H2BC1: variants seen among roughly 807,000 people sequenced by gnomAD.
H2BC1 encodes H2B clustered histone 1.
In H2BC1, 5 loss-of-function variants were observed where a neutral mutation model predicts 5.4. The ratio of observed to expected loss-of-function variants is 0.92; its 90% CI spans 0.48 to 1.94. H2BC1 has a LOEUF of 1.94. Ranked by LOEUF, H2BC1 falls within the 30% of genes most tolerant of loss-of-function variation. H2BC1 has a pLI of 0.01. For synonymous variants in H2BC1, 131 were observed against 58.2 expected, an observed-to-expected ratio of 2.25 and a Z score of -5.69; for missense variants, 210 against 159.1, an observed-to-expected ratio of 1.32 and a Z score of -1.72.
rs560247943 is a variant in H2BC1, at chr6:25,727,105, C to T, written c.197C>T (p.Ser66Phe). The T allele has an allele frequency of 6.2e-7, 1 of 1,614,136 alleles. No individual in the cohort carries two copies. Among genetic ancestry groups the T allele is most frequent in the African/African-American group, 1.3e-5 (1 of 74,958 alleles). ...ISSKAMSIMN[S>F]FVTDIFERIA... ...TCGAAAGCTATGAGCATTATGAATT[C>T]CTTCGTCACTGATATCTTTGAGCGT... Residue 66 changes from serine to phenylalanine, a missense_variant, in exon 1 of 1, where the codon TCC becomes TTC. Ser to Phe is a radical substitution (Grantham distance 155). Coordinates refer to ENST00000274764, the MANE Select transcript of H2BC1 (RefSeq NM_170610.3).
At position 25,726,801 on chromosome 6, in the gene H2BC1, A is replaced by T; in HGVS notation, c.-108A>T. ...TGTTTGTTTACTTGGCGAGACTTGG[A>T]GCTGAGGTCATTTGGAGCTGTTTAA... On this transcript the variant is annotated 5_prime_UTR_variant, in exon 1 of 1. Coordinates refer to ENST00000274764, the MANE Select transcript of H2BC1 (RefSeq NM_170610.3). 9.6e-6 allele frequency: 13 copies of T among 1,354,598 alleles called. No homozygotes were observed. The highest frequency in any genetic ancestry group is 1.3e-5 in the Non-Finnish European group (13 of 989,802). The allele number at this position is 1,354,598 out of a possible 1,614,324, so 83.9% of individuals were successfully genotyped here.
rs1760267077 is a variant in H2BC1 at position 25,726,836 on chromosome 6, G to A, written c.-73G>A. ...ATTTGGAGCTGTTTAATACTGAAGAGCTGTTGAGCACTGGAAAGTGCTGTG... is the reference window on the plus strand; with the variant it reads ...ATTTGGAGCTGTTTAATACTGAAGAACTGTTGAGCACTGGAAAGTGCTGTG... On this transcript the variant is annotated 5_prime_UTR_variant, in exon 1 of 1. Transcript: ENST00000274764. 6.6e-7 allele frequency: 1 copy of A among 1,509,630 alleles called. No individual in the cohort carries two copies. The highest frequency in any genetic ancestry group is 8.9e-7 in the Non-Finnish European group (1 of 1,122,562). 93.5% of individuals were successfully genotyped at this position (1,509,630 alleles called of 1,614,324 possible). A position where few individuals can be genotyped will look rare whatever the true frequency, so the allele number is the denominator to read the frequency against.
Position 25,727,193 on chromosome 6 carries a change from G to A in H2BC1, c.285G>A (p.Glu95=). 1 of 1,614,164 alleles carries A rather than the reference G, an allele frequency of 6.2e-7. No homozygotes were observed. ...YSKRSTISSR[E]IQTAVRLLLP... is the part of the protein sequence containing the mutation. ...AGCGCTCCACCATTTCTTCCAGAGAGATTCAGACAGCAGTGCGCTTGCTAC... is the reference window on the plus strand; with the variant it reads ...AGCGCTCCACCATTTCTTCCAGAGAAATTCAGACAGCAGTGCGCTTGCTAC... The change falls in exon 1 of 1, where the codon GAG becomes GAA. Residue 95 remains glutamate, a synonymous_variant. Coordinates refer to ENST00000274764, the MANE Select transcript of H2BC1 (RefSeq NM_170610.3).
chr6:25,727,100 G>A lies in H2BC1; in HGVS notation c.192G>A (p.Met64Ile), dbSNP rs867048101. Residue 64 changes from methionine (M) to isoleucine (I), a missense_variant, in exon 1 of 1, where the codon ATG becomes ATA. Physicochemically the swap from Met to Ile is conservative, Grantham distance 10. Transcript: ENST00000274764. ...TGISSKAMSI[M>I]NSFVTDIFER... ...TCTCTTCGAAAGCTATGAGCATTATGAATTCCTTCGTCACTGATATCTTTG... is the reference window on the plus strand; with the variant it reads ...TCTCTTCGAAAGCTATGAGCATTATAAATTCCTTCGTCACTGATATCTTTG... 2 of 1,614,236 alleles carry A rather than the reference G, an allele frequency of 1.2e-6. No individual in the cohort carries two copies. Among genetic ancestry groups the A allele is most frequent in the Admixed American group, 3.3e-5 (2 of 60,020 alleles).
At position 25,727,325 on chromosome 6, in the gene H2BC1, G is replaced by A; in HGVS notation, c.*33G>A. The stretch of plus-strand genomic sequence containing the variant: ...AAGTAAACGTCATTTCTAACCCAAA[G>A]GCTCTTTTCAGAGCCACTTAAACAT... On this transcript the variant is annotated 3_prime_UTR_variant, in exon 1 of 1. Transcript: ENST00000274764. The A allele has an allele frequency of 6.5e-7, 1 of 1,543,454 alleles. No individual in the cohort carries two copies. The highest frequency in any genetic ancestry group is 8.7e-7 in the Non-Finnish European group (1 of 1,145,644).
rs767245397 is a variant in H2BC1 at position 25,727,243 on chromosome 6, C to G, written c.335C>G (p.Ala112Gly). The G allele has an allele frequency of 1.4e-5, 23 of 1,613,272 alleles. No homozygotes were observed. The highest frequency in any genetic ancestry group is 2.0e-5 in the Non-Finnish European group (23 of 1,179,394). ...LLLPGELAKH[A>G]VSEGTKAVTK... ...CTGCCGGGAGAGCTGGCTAAACATG[C>G]TGTGTCTGAGGGCACCAAGGCTGTC... Residue 112 changes from alanine to glycine, a missense_variant, in exon 1 of 1, where the codon GCT (alanine) becomes GGT (glycine). Coordinates refer to ENST00000274764, the MANE Select transcript of H2BC1 (RefSeq NM_170610.3).
Position 25,727,196 on chromosome 6 carries a change from T to G in H2BC1, c.288T>G (p.Ile96Met). ...GCTCCACCATTTCTTCCAGAGAGAT[T>G]CAGACAGCAGTGCGCTTGCTACTGC... Reference protein sequence around the residue: ...SKRSTISSREIQTAVRLLLPG... With the variant: ...SKRSTISSREMQTAVRLLLPG... The change falls in exon 1 of 1, where the codon ATT becomes ATG. Residue 96 changes from isoleucine to methionine, a missense_variant. Coordinates refer to ENST00000274764, the MANE Select transcript of H2BC1 (RefSeq NM_170610.3). 1 of 1,614,156 alleles carries G rather than the reference T, an allele frequency of 6.2e-7. No homozygotes were observed. Among genetic ancestry groups the G allele is most frequent in the Non-Finnish European group, 8.5e-7 (1 of 1,180,034 alleles).
At position 25,727,108 on chromosome 6, in the gene H2BC1, T is replaced by C; in HGVS notation, c.200T>C (p.Phe67Ser). The C allele has an allele frequency of 6.2e-7, 1 of 1,614,216 alleles. No homozygotes were observed. The highest frequency in any genetic ancestry group is 1.1e-5 in the South Asian group (1 of 91,082). Residue 67 changes from phenylalanine to serine, a missense_variant, in exon 1 of 1, where the codon TTC becomes TCC. Coordinates refer to ENST00000274764, the MANE Select transcript of H2BC1 (RefSeq NM_170610.3). ...SSKAMSIMNS[F>S]VTDIFERIAS... ...AAAGCTATGAGCATTATGAATTCCT[T>C]CGTCACTGATATCTTTGAGCGTATA...
At position 25,727,174 on chromosome 6, in the gene H2BC1, C is replaced by A. The variant is rs759664726; in HGVS notation, c.266C>A (p.Ser89Tyr). Residue 89 changes from serine to tyrosine, a missense_variant, in exon 1 of 1, where the codon TCC becomes TAC. Ser to Tyr is a moderately radical substitution (Grantham distance 144, BLOSUM62 -2). Coordinates refer to ENST00000274764, the MANE Select transcript of H2BC1 (RefSeq NM_170610.3). ...ASRLAHYSKR[S>Y]TISSREIQTA... ...CGTTTGGCTCACTACAGCAAGCGCTCCACCATTTCTTCCAGAGAGATTCAG... is the reference window on the plus strand; with the variant it reads ...CGTTTGGCTCACTACAGCAAGCGCTACACCATTTCTTCCAGAGAGATTCAG... 21 of 1,614,044 alleles carry A rather than the reference C, an allele frequency of 1.3e-5. No individual in the cohort carries two copies. Among genetic ancestry groups the A allele is most frequent in the Non-Finnish European group, 1.8e-5 (21 of 1,180,048 alleles).
Position 25,727,308 on chromosome 6 carries a change from G to A in H2BC1, c.*16G>A, listed in dbSNP as rs985411001. On this transcript the variant is annotated 3_prime_UTR_variant, in exon 1 of 1. Transcript: ENST00000274764. The stretch of plus-strand genomic sequence containing the variant: ...CTCCAAGTAAGCCTGCTAAGTAAAC[G>A]TCATTTCTAACCCAAAGGCTCTTTT... 1 of 1,565,820 alleles carries A rather than the reference G, an allele frequency of 6.4e-7. No individual in the cohort carries two copies. Among genetic ancestry groups the A allele is most frequent in the Non-Finnish European group, 8.7e-7 (1 of 1,155,708 alleles).
chr6:25,727,242 G>T lies in H2BC1; in HGVS notation c.334G>T (p.Ala112Ser). Reference sequence around the variant, plus strand: ...ACTGCCGGGAGAGCTGGCTAAACATGCTGTGTCTGAGGGCACCAAGGCTGT... The same window carrying T: ...ACTGCCGGGAGAGCTGGCTAAACATTCTGTGTCTGAGGGCACCAAGGCTGT... ...LLLPGELAKH[A>S]VSEGTKAVTK... is the part of the protein sequence containing the mutation. The change falls in exon 1 of 1, where the codon GCT (alanine) becomes TCT (serine). Residue 112 changes from alanine (A) to serine (S), a missense_variant. Coordinates refer to ENST00000274764, the MANE Select transcript of H2BC1 (RefSeq NM_170610.3). 7 of 1,613,378 alleles carry T rather than the reference G, an allele frequency of 4.3e-6. No individual in the cohort carries two copies. The highest frequency in any genetic ancestry group is 5.1e-6 in the Non-Finnish European group (6 of 1,179,478).
rs376729685 is a variant in H2BC1, at chr6:25,727,296, T to C, written c.*4T>C. 1.9e-6 allele frequency: 3 copies of C among 1,583,480 alleles called. No homozygotes were observed. The highest frequency in any genetic ancestry group is 1.7e-6 in the Non-Finnish European group (2 of 1,163,708). On this transcript the variant is annotated 3_prime_UTR_variant, in exon 1 of 1. Coordinates refer to ENST00000274764, the MANE Select transcript of H2BC1 (RefSeq NM_170610.3). ...TAAGTACACCAGCTCCAAGTAAGCC[T>C]GCTAAGTAAACGTCATTTCTAACCC...
Position 25,727,214 on chromosome 6 carries a change from G to T in H2BC1, c.306G>T (p.Leu102Phe). The T allele has an allele frequency of 3.1e-6, 5 of 1,614,048 alleles. No individual in the cohort carries two copies. Among genetic ancestry groups the T allele is most frequent in the Non-Finnish European group, 4.2e-6 (5 of 1,179,948 alleles). Residue 102 changes from leucine to phenylalanine, a missense_variant, in exon 1 of 1, where the codon TTG (leucine) becomes TTT (phenylalanine). By Grantham distance (22) the Leu-to-Phe change is conservative. Coordinates refer to ENST00000274764, the MANE Select transcript of H2BC1 (RefSeq NM_170610.3). ...SSREIQTAVR[L>F]LLPGELAKHA... is the part of the protein sequence containing the mutation. The stretch of plus-strand genomic sequence containing the variant: ...GAGAGATTCAGACAGCAGTGCGCTT[G>T]CTACTGCCGGGAGAGCTGGCTAAAC...
rs746032237 is a variant in H2BC1, at chr6:25,727,315, C to A, written c.*23C>A. On this transcript the variant is annotated 3_prime_UTR_variant, in exon 1 of 1. Transcript: ENST00000274764. ...TAAGCCTGCTAAGTAAACGTCATTT[C>A]TAACCCAAAGGCTCTTTTCAGAGCC... 2.6e-6 allele frequency: 4 copies of A among 1,557,542 alleles called. No homozygotes were observed. The South Asian group carries it at 3.7e-5, about 14-fold the overall frequency.
rs1170387389 is a variant in H2BC1, at chr6:25,726,991, G to A, written c.83G>A (p.Gly28Asp). Residue 28 changes from glycine to aspartate, a missense_variant, in exon 1 of 1, where the codon GGC (glycine) becomes GAC (aspartate). By Grantham distance (94) the Gly-to-Asp change is moderately conservative (BLOSUM62 -1). Transcript: ENST00000274764. ...GTCGTTAAGACCCAGAAAAAGGAAG[G>A]CAAAAAGCGCAAGAGGACCCGTAAG... ...KAVVKTQKKEGKKRKRTRKES... is the reference protein window; with the variant it reads ...KAVVKTQKKEDKKRKRTRKES... 1.3e-5 allele frequency: 21 copies of A among 1,614,044 alleles called. No homozygotes were observed. The highest frequency in any genetic ancestry group is 1.7e-5 in the Non-Finnish European group (20 of 1,180,034).
Position 25,726,832 on chromosome 6 carries a change from A to G in H2BC1, c.-77A>G, listed in dbSNP as rs1760266840. On this transcript the variant is annotated 5_prime_UTR_variant, in exon 1 of 1. Coordinates refer to ENST00000274764, the MANE Select transcript of H2BC1 (RefSeq NM_170610.3). ...GGTCATTTGGAGCTGTTTAATACTGAAGAGCTGTTGAGCACTGGAAAGTGC... is the reference window on the plus strand; with the variant it reads ...GGTCATTTGGAGCTGTTTAATACTGGAGAGCTGTTGAGCACTGGAAAGTGC... 2.1e-5 allele frequency: 31 copies of G among 1,501,278 alleles called. No individual in the cohort carries two copies. In the South Asian group the frequency reaches 2.7e-4, roughly 13 times the overall value. The allele number at this position is 1,501,278 out of a possible 1,614,324, so 93.0% of individuals were successfully genotyped here.
rs374279271 is a variant in H2BC1, at chr6:25,726,878, C to T, written c.-31C>T. 2.1e-5 allele frequency: 33 copies of T among 1,581,726 alleles called. No homozygotes were observed. Among genetic ancestry groups the T allele is most frequent in the Non-Finnish European group, 2.7e-5 (32 of 1,166,308 alleles). On this transcript the variant is annotated 5_prime_UTR_variant, in exon 1 of 1. Coordinates refer to ENST00000274764, the MANE Select transcript of H2BC1 (RefSeq NM_170610.3). ...AGTGCTGTGTAACCCTGGAAAAGAACCGTGTAACGCTGCAGAAGTGTGTGG... is the reference window on the plus strand; with the variant it reads ...AGTGCTGTGTAACCCTGGAAAAGAATCGTGTAACGCTGCAGAAGTGTGTGG...
Position 25,727,005 on chromosome 6 carries a change from A to AG in H2BC1, c.99dup (p.Thr34AspfsTer3), listed in dbSNP as rs770813532. ...GAAAAAGGAAGGCAAAAAGCGCAAGAGGACCCGTAAGGAGAGTTATTCTAT... is the reference window on the plus strand; with the variant it reads ...GAAAAAGGAAGGCAAAAAGCGCAAGAGGGACCCGTAAGGAGAGTTATTCTAT... On this transcript the variant is annotated frameshift_variant, in exon 1 of 1. Transcript: ENST00000274764. LOFTEE classifies it high-confidence loss of function. 2 of 1,614,232 alleles carry AG rather than the reference A, an allele frequency of 1.2e-6. No homozygotes were observed. The highest frequency in any genetic ancestry group is 1.7e-5 in the Admixed American group (1 of 60,028).
Position 25,727,247 on chromosome 6 carries a change from G to A in H2BC1, c.339G>A (p.Val113=), listed in dbSNP as rs1760294889. The A allele has an allele frequency of 1.2e-6, 2 of 1,612,352 alleles. No individual in the cohort carries two copies. The highest frequency in any genetic ancestry group is 1.3e-5 in the African/African-American group (1 of 74,886). The change falls in exon 1 of 1, where the codon GTG becomes GTA. Residue 113 remains valine (V), a synonymous_variant. Transcript: ENST00000274764. Reference sequence around the variant, plus strand: ...CGGGAGAGCTGGCTAAACATGCTGTGTCTGAGGGCACCAAGGCTGTCACTA... The same window carrying A: ...CGGGAGAGCTGGCTAAACATGCTGTATCTGAGGGCACCAAGGCTGTCACTA... ...LLPGELAKHA[V]SEGTKAVTKY...
Sources: gnomAD v4.1 joint callset for allele counts on GRCh38, gnomAD v4.1.1 for gene constraint, MANE v1.5 for transcripts, NCBI Gene and HGNC (gene_info 2026-07-23, HGNC 2026-07-21) for gene names.